The following RASSF3 variants were observed in gnomAD, a reference collection of about 807,000 sequenced individuals.
The protein encoded by RASSF3 is ras association domain-containing protein 3.
Under a neutral mutation model 19.9 loss-of-function variants are expected in RASSF3, and 19 were observed. The ratio of observed to expected loss-of-function variants is 0.96; its 90% confidence interval spans 0.67 to 1.40. RASSF3 has a LOEUF of 1.40. RASSF3 is among the 40% of genes most tolerant of loss of function. The pLI is 0.00. For synonymous variants in RASSF3, 110 were observed against 104.2 expected (o/e 1.06, Z -0.34); for missense variants, 306 against 289.8 (o/e 1.06, Z -0.41).
rs56100965 is a variant in RASSF3, at chr12:64,559,246, C to CT, written c.294+17556dup. Reference sequence around the variant, plus strand: ...GTCCATTTTCTTTTCTTCTTTTTTTCTTTTTTTTTTTTTTTGAGGCGGAGT... The same window carrying CT: ...GTCCATTTTCTTTTCTTCTTTTTTTCTTTTTTTTTTTTTTTTGAGGCGGAGT... On this transcript the variant is annotated intron_variant, in intron 2 of 5. Transcript: ENST00000637125. 5.8e-3 allele frequency among the ~76,000 whole-genome samples: 822 copies of CT among 140,778 alleles called. 6 individuals carry two copies. Among genetic ancestry groups the CT allele is most frequent in the African/African-American group, 0.011 (422 of 38,480 alleles). The allele number at this position is 140,778 out of a possible 152,430, so 92.4% of individuals were successfully genotyped here. A position where few individuals can be genotyped will look rare whatever the true frequency, so the allele number is the denominator to read the frequency against.
At chr12:64,565,840 G>A (rs984288511) in intron 2 of RASSF3, among the ~76,000 whole-genome samples, 33 of 148,030 alleles carry the variant, frequency 2.2e-4, no homozygotes, top group African/African-American at 5.7e-4. Flanking sequence ...GCGAGATCTC[G>A]CCACTGCCCT....
Position 64,664,256 on chromosome 12 carries a change from A to C in RASSF3, c.112-20531A>C, listed in dbSNP as rs558660264. Among the ~76,000 whole-genome samples, 8 of 152,332 alleles carry C rather than the reference A, an allele frequency of 5.3e-5. No individual in the cohort carries two copies. In the South Asian group the frequency reaches 1.5e-3, roughly 28 times the overall value. On this transcript the variant is annotated intron_variant, in intron 1 of 4. Transcript: ENST00000542104. Reference sequence around the variant, plus strand: ...AATAGAGAATGCCCATCTCAGTACCAAAATTTCACCATGAAAAATCATAAT... The same window carrying C: ...AATAGAGAATGCCCATCTCAGTACCCAAATTTCACCATGAAAAATCATAAT...
intron 2 of RASSF3, among the ~76,000 whole-genome samples, chr12:64,597,022 C>A (rs114686508): frequency 0.02 from 3,004 of 152,306 alleles, 113 homozygotes; most frequent in African/African-American, 0.068. Context: ...CCACTTCGGC[C>A]TCCTACAATG....
At chr12:64,630,407 TC>T (rs1289502180) in intron 1 of RASSF3, among the ~76,000 whole-genome samples, 1 of 152,116 alleles carries the variant, frequency 6.6e-6, no homozygotes, top group Admixed American at 6.6e-5. Flanking sequence ...GTGCCTGTAG[TC>T]CCAGCTATTT....
At chr12:64,545,733 G>A (rs972848869), downstream of RASSF3, among the ~76,000 whole-genome samples, 84 of 152,260 alleles carry the variant, frequency 5.5e-4, 3 homozygotes, top group African/African-American at 2.6e-4. Flanking sequence ...TTCGAGACCA[G>A]CCTCGCAATG....
At chr12:64,662,247 C>T (rs1467796388) in intron 1 of RASSF3, among the ~76,000 whole-genome samples, 3 of 113,100 alleles carry the variant, frequency 2.7e-5, no homozygotes, top group African/African-American at 6.6e-5. Flanking sequence ...GGTGAAACCC[C>T]GTATCTACAA....
At chr12:64,641,062 T>G (rs538192463) in intron 1 of RASSF3, among the ~76,000 whole-genome samples, 6 of 152,250 alleles carry the variant, frequency 3.9e-5, no homozygotes, top group Non-Finnish European at 8.8e-5. Context: ...TTATTTAACG[T>G]CAATCATCGT....
chr12:64,604,673 T>C (rs1870155543), intron 2 of RASSF3, among the ~76,000 whole-genome samples: 1 of 151,322 alleles, frequency 6.6e-6, no homozygotes, highest in Admixed American at 6.6e-5. Context: ...AGTCTTGCTG[T>C]GTCGCCCAGG....
At chr12:64,561,226 C>T (rs545090975) in intron 2 of RASSF3, among the ~76,000 whole-genome samples, 66 of 152,300 alleles carry the variant, frequency 4.3e-4, no homozygotes, top group African/African-American at 1.6e-3. Flanking sequence ...CTACTTATAT[C>T]ACTATTGTTT....
At chr12:64,519,004 C>T (rs1592386524) in intron 1 of RASSF3, among the ~76,000 whole-genome samples, 1 of 152,140 alleles carries the variant, frequency 6.6e-6, no homozygotes, top group African/African-American at 2.4e-5. Flanking sequence ...TACTTTTATT[C>T]TATGACTAGA....
chr12:64,691,738 A>AAGAGAAGAGAGTTGGAGGGCAGGGG (rs1868287767), intron 4 of RASSF3, among the ~76,000 whole-genome samples, 159 bp downstream of exon 4: 1 of 23,906 alleles, frequency 4.2e-5, no homozygotes, highest in African/African-American at 1.6e-4. Context: ...AGGGAGAGGG[A>AAGAGAAGAGAGTTGGAGGGCAGGGG]GAGGGATTTT....
At chr12:64,642,865 CTTTT>C (rs537286977) in intron 1 of RASSF3, among the ~76,000 whole-genome samples, 1 of 138,892 alleles carries the variant, frequency 7.2e-6, no homozygotes, top group African/African-American at 2.6e-5. Context: ...TTCTTTCTTT[CTTTT>C]TTTTTTTTTT....
intron 1 of RASSF3, among the ~76,000 whole-genome samples, chr12:64,653,091 T>C (rs952993887): frequency 1.3e-5 from 2 of 152,206 alleles, no homozygotes; most frequent in Non-Finnish European, 2.9e-5. Flanking sequence ...TCTTTTGAGA[T>C]AGGGTCTCAC....
At position 64,619,979 on chromosome 12, in the gene RASSF3, C is replaced by CAA. The variant is rs67795096; in HGVS notation, c.111+9251_111+9252dup. Among the ~76,000 whole-genome samples, 103 of 102,154 alleles carry CAA rather than the reference C, an allele frequency of 1.0e-3. 1 individual carries two copies. The South Asian group carries it at 0.011, about 10-fold the overall frequency. The allele number at this position is 102,154 out of a possible 152,430, so 67.0% of individuals were successfully genotyped here. A position where few individuals can be genotyped will look rare whatever the true frequency, so the allele number is the denominator to read the frequency against. ...TGGGCAACAGAGTGAGACTTTATAT[C>CAA]AAAAAAAAAAAAAAAAGAAATTAGT... On this transcript the variant is annotated intron_variant, in intron 1 of 4. Transcript: ENST00000542104.
At chr12:64,631,502 C>T (rs1235375595) in intron 1 of RASSF3, among the ~76,000 whole-genome samples, 3 of 151,684 alleles carry the variant, frequency 2.0e-5, no homozygotes, top group African/African-American at 4.9e-5. Context: ...CCTACAAGGG[C>T]GAGGGAAGTG....
intron 1 of RASSF3, among the ~76,000 whole-genome samples, chr12:64,633,751 T>G (rs967707328): frequency 2.0e-5 from 3 of 151,928 alleles, no homozygotes; most frequent in African/African-American, 7.3e-5. Flanking sequence ...TAGGCAGAGA[T>G]TAGAAGAGTT....
At chr12:64,646,929 G>A (rs868816678) in intron 1 of RASSF3, among the ~76,000 whole-genome samples, 19 of 152,116 alleles carry the variant, frequency 1.2e-4, no homozygotes, top group African/African-American at 4.3e-4. Context: ...ACCCAATAAA[G>A]TATATGTATC....
chr12:64,696,229 G>A lies in RASSF3; in HGVS notation c.*1317G>A, dbSNP rs1868362764. The A allele has an allele frequency of 6.6e-6, 1 of 151,480 alleles. No individual in the cohort carries two copies. Among genetic ancestry groups the A allele is most frequent in the Non-Finnish European group, 1.5e-5 (1 of 67,948 alleles). 9.4% of individuals were successfully genotyped at this position (151,480 alleles called of 1,614,324 possible). A position where few individuals can be genotyped will look rare whatever the true frequency, so the allele number is the denominator to read the frequency against. On this transcript the variant is annotated 3_prime_UTR_variant, in exon 5 of 5. Coordinates refer to ENST00000542104, the MANE Select transcript of RASSF3 (RefSeq NM_178169.4). ...AAGACCCAATCCTACCAGATCTTTA[G>A]TTCTAAAGGGCAACTTGACTGTGAG...
chr12:64,686,493 C>T (rs1304203493), intron 2 of RASSF3, among the ~76,000 whole-genome samples: 1 of 152,192 alleles, frequency 6.6e-6, no homozygotes, highest in Non-Finnish European at 1.5e-5. Context: ...CGCCTGTAGT[C>T]CCAGCTACGC....
Sources: gnomAD v4.1 joint callset for allele counts (sites outside exome capture counted in the v4.1 genomes callset) on GRCh38, gnomAD v4.1.1 for gene constraint, MANE v1.5 for transcripts, NCBI Gene and HGNC (gene_info 2026-07-23, HGNC 2026-07-21) for gene names.